CDH13: variants seen among roughly 807,000 people sequenced by gnomAD.
The protein encoded by CDH13 is cadherin-13.
In CDH13, 24 loss-of-function variants were observed where a neutral mutation model predicts 63.8. The ratio of observed to expected loss-of-function variants is 0.38; its 90% confidence interval spans 0.27 to 0.53. The LOEUF (loss-of-function observed/expected upper bound fraction) is 0.53, where lower values mean the gene tolerates loss of function less well. Ranked by LOEUF, CDH13 falls within the 20% of genes least tolerant of loss-of-function variation. The pLI is 0.85. For missense variants in CDH13, 1,049 were observed against 903.1 expected (o/e 1.16, Z -2.07); for synonymous variants, 503 against 355.3 (o/e 1.42, Z -4.67).
At chr16:83,159,136 C>CACTTTTACCGG (rs2037339948) in intron 4 of CDH13, among the ~76,000 whole-genome samples, 1 of 151,920 alleles carries the variant, frequency 6.6e-6, no homozygotes, top group Admixed American at 6.6e-5. Flanking sequence ...GTAAAAGTTC[C>CACTTTTACCGG]CATTTGCCCA....
chr16:83,039,508 C>A (rs957168675), intron 3 of CDH13, among the ~76,000 whole-genome samples: 2 of 152,180 alleles, frequency 1.3e-5, no homozygotes, highest in Admixed American at 6.5e-5. Flanking sequence ...GGCTTCTTCT[C>A]AATTTGTAAT....
At chr16:83,541,068 C>T (rs1011169145) in intron 7 of CDH13, among the ~76,000 whole-genome samples, 9 of 152,110 alleles carry the variant, frequency 5.9e-5, no homozygotes, top group Non-Finnish European at 1.0e-4. Flanking sequence ...TGTTCACTCC[C>T]GCTCAATCCC....
rs146054662 is a variant in CDH13 at position 83,294,295 on chromosome 16, A to G, written c.637-50567A>G. 5.4e-3 allele frequency among the ~76,000 whole-genome samples: 828 copies of G among 152,256 alleles called. 4 individuals carry two copies. The highest frequency in any genetic ancestry group is 6.4e-3 in the Non-Finnish European group (435 of 67,998). On this transcript the variant is annotated intron_variant, in intron 5 of 13. Coordinates refer to ENST00000567109, the MANE Select transcript of CDH13 (RefSeq NM_001257.5). ...TTAGGAATACAATATATTGTTATTC[A>G]TTGTAGTTGCCATATTGGACAATAG...
Position 83,263,050 on chromosome 16 carries a change from A to C in CDH13, c.636+45553A>C, listed in dbSNP as rs555603292. On this transcript the variant is annotated intron_variant, in intron 5 of 13. Coordinates refer to ENST00000567109, the MANE Select transcript of CDH13 (RefSeq NM_001257.5). ...AGCTTGGCAAACCGTCTGGTGTTCA[A>C]ATACATTTTGTTATTTGAATGAATA... Among the ~76,000 whole-genome samples the C allele has an allele frequency of 2.6e-5, 4 of 152,330 alleles. No homozygotes were observed. The East Asian group carries it at 7.7e-4, about 29-fold the overall frequency.
intron 5 of CDH13, among the ~76,000 whole-genome samples, chr16:83,289,498 C>T (rs567745148): frequency 3.3e-5 from 5 of 152,230 alleles, no homozygotes; most frequent in South Asian, 4.1e-4. Context: ...GTGCAGCCTG[C>T]GTTGAGAAGC....
chr16:83,787,942 C>A (rs763831192), intron 13 of CDH13, among the ~76,000 whole-genome samples: 1 of 152,220 alleles, frequency 6.6e-6, no homozygotes, highest in African/African-American at 2.4e-5. Context: ...AAAACAACAC[C>A]TGCAGAGATC....
chr16:83,170,165 A>C (rs2037859081), intron 4 of CDH13, among the ~76,000 whole-genome samples: 1 of 152,152 alleles, frequency 6.6e-6, no homozygotes, highest in Admixed American at 6.6e-5. Context: ...TCCAACACTC[A>C]TAGTTTTATA....
intron 2 of CDH13, among the ~76,000 whole-genome samples, chr16:82,957,337 T>C (rs1163318630): frequency 6.6e-6 from 1 of 152,154 alleles, no homozygotes. Flanking sequence ...TCCGAAGAAA[T>C]AAGTACATTT....
chr16:83,524,185 A>G (rs561579091), intron 7 of CDH13, among the ~76,000 whole-genome samples: 1 of 152,320 alleles, frequency 6.6e-6, no homozygotes, highest in Non-Finnish European at 1.5e-5. Context: ...GACAACCAAG[A>G]GAATTTGCAG....
chr16:83,043,973 A>G (rs1288910104), intron 3 of CDH13, among the ~76,000 whole-genome samples: 1 of 152,236 alleles, frequency 6.6e-6, no homozygotes, highest in African/African-American at 2.4e-5. Flanking sequence ...TAAGTACTTA[A>G]TAAGCACAAG....
At chr16:82,716,673 G>A (rs1020905704) in intron 1 of CDH13, among the ~76,000 whole-genome samples, 1 of 149,212 alleles carries the variant, frequency 6.7e-6, no homozygotes. Flanking sequence ...TGGGTATTAA[G>A]GGGGGTGACT....
At chr16:82,967,685 G>C (rs1403635497) in intron 2 of CDH13, among the ~76,000 whole-genome samples, 1 of 152,170 alleles carries the variant, frequency 6.6e-6, no homozygotes, top group East Asian at 1.9e-4. Context: ...TTCACAGTTG[G>C]TTCCGGCAGT....
At chr16:82,812,732 A>G (rs186602188) in intron 1 of CDH13, among the ~76,000 whole-genome samples, 2 of 152,248 alleles carry the variant, frequency 1.3e-5, no homozygotes, top group Admixed American at 1.3e-4. Context: ...CAGATAGTGA[A>G]GTAGTTGGAG....
chr16:83,240,364 G>A (rs1904317955), intron 5 of CDH13, among the ~76,000 whole-genome samples: 1 of 152,088 alleles, frequency 6.6e-6, no homozygotes, highest in African/African-American at 2.4e-5. Flanking sequence ...TTTGGACAGA[G>A]GCAGGATGTG....
intron 3 of CDH13, among the ~76,000 whole-genome samples, chr16:83,043,812 G>T (rs900398775): frequency 2.0e-5 from 3 of 149,000 alleles, no homozygotes; most frequent in African/African-American, 7.5e-5. Flanking sequence ...GGGCAACGGA[G>T]CAAGTGTGAC....
intron 1 of CDH13, among the ~76,000 whole-genome samples, chr16:82,716,326 A>G (rs917672200): frequency 6.6e-6 from 1 of 152,094 alleles, no homozygotes; most frequent in African/African-American, 2.4e-5. Flanking sequence ...GGTGGTGGGA[A>G]TTCTCCATGT....
At chr16:83,174,872 C>T (rs1345277284) in intron 4 of CDH13, among the ~76,000 whole-genome samples, 1 of 151,946 alleles carries the variant, frequency 6.6e-6, no homozygotes, top group Admixed American at 6.6e-5. Context: ...GGAGAACTGC[C>T]AAACACTTTT....
chr16:83,306,801 A>T (rs774993910), intron 5 of CDH13, among the ~76,000 whole-genome samples: 3 of 152,154 alleles, frequency 2.0e-5, no homozygotes, highest in Non-Finnish European at 4.4e-5. Flanking sequence ...ACCCACCAAA[A>T]TATTTGAAGC....
intron 2 of CDH13, among the ~76,000 whole-genome samples, chr16:82,977,484 G>A (rs368265994): frequency 7.2e-4 from 109 of 152,266 alleles, no homozygotes; most frequent in African/African-American, 1.9e-3. Flanking sequence ...GAGTTCTCAC[G>A]AGATGTGATG....
Sources: allele counts gnomAD v4.1 joint callset (sites outside exome capture counted in the v4.1 genomes callset), GRCh38; gene constraint gnomAD v4.1.1; transcripts MANE v1.5; gene names NCBI Gene and HGNC (gene_info 2026-07-23, HGNC 2026-07-21).